The following GPC5 variants were observed in gnomAD, a reference collection of about 807,000 sequenced individuals.
The protein encoded by GPC5 is glypican 5.
GPC5 carries 47 observed loss-of-function variants against 53.9 expected under a neutral mutation model. That is an observed-to-expected ratio of 0.87 (90% CI 0.69 to 1.11). GPC5 has a LOEUF of 1.11. GPC5 is among the 50% of genes most tolerant of loss of function. GPC5 has a pLI of 0.00. For synonymous variants in GPC5, 286 were observed against 263.3 expected (o/e 1.09, Z -0.84); for missense variants, 748 against 713.1 (o/e 1.05, Z -0.56).
At chr13:91,970,916 T>C (rs1193042778) in intron 6 of GPC5, among the ~76,000 whole-genome samples, 5 of 152,228 alleles carry the variant, frequency 3.3e-5, no homozygotes, top group Middle Eastern at 3.2e-3. Context: ...AGGATATTGG[T>C]CTAAAGTTCT....
At chr13:92,383,316 A>G (rs1212313115) in intron 7 of GPC5, among the ~76,000 whole-genome samples, 1 of 152,182 alleles carries the variant, frequency 6.6e-6, no homozygotes, top group Non-Finnish European at 1.5e-5. Flanking sequence ...TGATTATAGT[A>G]CTTGTTTTTA....
At chr13:92,745,889 A>G (rs1889229581) in intron 7 of GPC5, among the ~76,000 whole-genome samples, 4 of 152,132 alleles carry the variant, frequency 2.6e-5, no homozygotes, top group Admixed American at 2.6e-4. Flanking sequence ...CATTTCTTAT[A>G]TTATTGGATA....
At chr13:92,454,027 C>T (rs924608125) in intron 7 of GPC5, among the ~76,000 whole-genome samples, 3 of 152,132 alleles carry the variant, frequency 2.0e-5, no homozygotes, top group African/African-American at 7.2e-5. Flanking sequence ...GAAATAAACC[C>T]TCTAACTATA....
At chr13:92,655,280 A>C (rs1421136156) in intron 7 of GPC5, among the ~76,000 whole-genome samples, 5 of 151,552 alleles carry the variant, frequency 3.3e-5, no homozygotes, top group Non-Finnish European at 7.4e-5. Flanking sequence ...ATATTCTGGA[A>C]ATGAAGAGTT....
At position 92,371,006 on chromosome 13, in the gene GPC5, G is replaced by A. The variant is rs1163081734; in HGVS notation, c.1561+226017G>A. On this transcript the variant is annotated intron_variant, in intron 7 of 7. Coordinates refer to ENST00000377067, the MANE Select transcript of GPC5 (RefSeq NM_004466.6). ...TCTACTAAATATACAAAAATTAGCT[G>A]GGTGTGGTGTTAGGTGCCTGCAGTC... is the stretch of plus-strand genomic sequence containing the variant. Among the ~76,000 whole-genome samples, 3 of 151,904 alleles carry A rather than the reference G, an allele frequency of 2.0e-5. No homozygotes were observed. The East Asian group carries it at 5.8e-4, about 29-fold the overall frequency.
intron 7 of GPC5, among the ~76,000 whole-genome samples, chr13:92,337,202 CAAA>C (rs11303172): frequency 4.2e-5 from 6 of 142,584 alleles, no homozygotes; most frequent in African/African-American, 1.3e-4. Context: ...ACCCCCCACC[CAAA>C]AAAAAAAAAG....
At position 92,430,268 on chromosome 13, in the gene GPC5, G is replaced by A. The variant is rs1877028246; in HGVS notation, c.1561+285279G>A. Reference sequence around the variant, plus strand: ...GGGAAAAACACTAAGAAATGTATATGTGCTAAAGTTAATAGTTTTTACCTG... The same window carrying A: ...GGGAAAAACACTAAGAAATGTATATATGCTAAAGTTAATAGTTTTTACCTG... On this transcript the variant is annotated intron_variant, in intron 7 of 7. Transcript: ENST00000377067. 2.6e-5 allele frequency among the ~76,000 whole-genome samples: 4 copies of A among 152,186 alleles called. No individual in the cohort carries two copies. The South Asian group carries it at 8.3e-4, about 32-fold the overall frequency.
chr13:92,489,199 C>T (rs896101588), intron 7 of GPC5, among the ~76,000 whole-genome samples: 5 of 152,096 alleles, frequency 3.3e-5, no homozygotes, highest in Non-Finnish European at 7.4e-5. Context: ...ATTTAACCAC[C>T]AAACTAAGAA....
chr13:92,657,392 T>G (rs1209776670), intron 7 of GPC5, among the ~76,000 whole-genome samples: 1 of 152,144 alleles, frequency 6.6e-6, no homozygotes, highest in African/African-American at 2.4e-5. Flanking sequence ...AGTCTTTTCA[T>G]GCTAAGTGTT....
At chr13:91,851,574 T>A (rs944690581) in intron 5 of GPC5, among the ~76,000 whole-genome samples, 42 of 151,152 alleles carry the variant, frequency 2.8e-4, no homozygotes, top group Admixed American at 1.4e-3. Flanking sequence ...TATGTATACA[T>A]GTGCCATGCT....
chr13:91,964,776 A>G (rs979012604), intron 6 of GPC5, among the ~76,000 whole-genome samples: 1 of 152,156 alleles, frequency 6.6e-6, no homozygotes, highest in African/African-American at 2.4e-5. Flanking sequence ...ATGAAGACAC[A>G]TGCACATGTG....
intron 5 of GPC5, among the ~76,000 whole-genome samples, chr13:91,797,770 G>A (rs889657523): frequency 6.6e-6 from 1 of 152,216 alleles, no homozygotes; most frequent in African/African-American, 2.4e-5. Context: ...GTGAGGCAGA[G>A]CAGGCGTCGT....
chr13:91,983,382 G>T (rs1413041134), intron 6 of GPC5, among the ~76,000 whole-genome samples: 1 of 151,942 alleles, frequency 6.6e-6, no homozygotes, highest in Non-Finnish European at 1.5e-5. Context: ...GAAAAGAGAG[G>T]CTGACAACAT....
intron 2 of GPC5, among the ~76,000 whole-genome samples, chr13:91,572,412 G>A (rs969636528): frequency 2.0e-5 from 3 of 151,968 alleles, no homozygotes; most frequent in East Asian, 1.9e-4. Flanking sequence ...AAGAAAAAAG[G>A]TTTATTTGCT....
chr13:92,020,587 C>T (rs72633790), intron 6 of GPC5, among the ~76,000 whole-genome samples: 4,275 of 151,736 alleles, frequency 0.028, 140 homozygotes, highest in African/African-American at 0.08. Flanking sequence ...TATTCATATA[C>T]CTGAGCATTC....
At chr13:92,250,708 T>A (rs2042686404) in intron 7 of GPC5, among the ~76,000 whole-genome samples, 1 of 152,088 alleles carries the variant, frequency 6.6e-6, no homozygotes. Flanking sequence ...AGCTGGAATA[T>A]GTAAAATATA....
At chr13:92,821,724 A>G (rs1372449877) in intron 7 of GPC5, among the ~76,000 whole-genome samples, 1 of 152,184 alleles carries the variant, frequency 6.6e-6, no homozygotes, top group East Asian at 1.9e-4. Flanking sequence ...GGAAATAGCC[A>G]AATGTTATTT....
At chr13:92,230,382 C>T (rs536532708) in intron 7 of GPC5, among the ~76,000 whole-genome samples, 4 of 152,048 alleles carry the variant, frequency 2.6e-5, no homozygotes, top group Admixed American at 2.6e-4. Flanking sequence ...CTGGTTACTA[C>T]CAATTTGTTT....
chr13:92,424,756 C>T (rs1450798120), intron 7 of GPC5, among the ~76,000 whole-genome samples: 1 of 151,914 alleles, frequency 6.6e-6, no homozygotes, highest in Non-Finnish European at 1.5e-5. Flanking sequence ...TCTTTGCTTA[C>T]ATACTTTGAT....
Sources: allele counts gnomAD v4.1 joint callset (sites outside exome capture counted in the v4.1 genomes callset), GRCh38; gene constraint gnomAD v4.1.1; transcripts MANE v1.5; gene names NCBI Gene and HGNC (gene_info 2026-07-23, HGNC 2026-07-21).